KIRREL3: variants seen among roughly 807,000 people sequenced by gnomAD.
KIRREL3 encodes kirre like nephrin family adhesion molecule 3, also known as kin of IRRE-like protein 3.
In KIRREL3, 36 loss-of-function variants were observed where a neutral mutation model predicts 89.7. That is an observed-to-expected ratio of 0.40 (90% confidence interval 0.31 to 0.53). KIRREL3 has a LOEUF of 0.53. KIRREL3 is among the 20% of genes least tolerant of loss of function. The pLI is 0.49. For synonymous variants in KIRREL3, 445 were observed against 441.4 expected (o/e 1.01, Z -0.10); for missense variants, 864 against 1,056.6 (o/e 0.82, Z 2.53).
chr11:126,851,430 G>A (rs1485250830), intron 1 of KIRREL3, among the ~76,000 whole-genome samples: 8 of 152,272 alleles, frequency 5.3e-5, no homozygotes, highest in African/African-American at 1.4e-4. Context: ...TATCACCTTG[G>A]TGCTATATGT....
chr11:126,567,628 G>C (rs897751375), intron 1 of KIRREL3, among the ~76,000 whole-genome samples: 1 of 152,230 alleles, frequency 6.6e-6, no homozygotes, highest in African/African-American at 2.4e-5. Context: ...CTCTGCTAAG[G>C]AGACCCCAGG....
At chr11:126,559,011 G>C (rs1243780259) in intron 2 of KIRREL3, among the ~76,000 whole-genome samples, 1 of 152,142 alleles carries the variant, frequency 6.6e-6, no homozygotes, top group African/African-American at 2.4e-5. Context: ...AAGATGTCCT[G>C]AGAGCATGGG....
At chr11:126,547,470 C>A (rs1296645946) in intron 2 of KIRREL3, among the ~76,000 whole-genome samples, 3 of 152,184 alleles carry the variant, frequency 2.0e-5, no homozygotes, top group Non-Finnish European at 4.4e-5. Context: ...ATCCCTCCTC[C>A]CCCGTGTGTT....
intron 1 of KIRREL3, among the ~76,000 whole-genome samples, chr11:126,662,912 T>TTTC (rs1945478358): frequency 6.8e-6 from 1 of 146,652 alleles, no homozygotes; most frequent in Admixed American, 6.8e-5. Flanking sequence ...CTTTCTTTTT[T>TTTC]TTTTTTTTTT....
chr11:126,747,808 C>T lies in KIRREL3; in HGVS notation c.56-184896G>A, dbSNP rs138641700. ...TGTGAGAACCCCTGTTCCCCTCCCT[C>T]TGCTTGGCAGAGCTGTCCTTTGTAG... On this transcript the variant is annotated intron_variant, in intron 1 of 16. Coordinates refer to ENST00000525144, the MANE Select transcript of KIRREL3 (RefSeq NM_032531.4). The surrounding 1 kb of genome is among the most constrained non-coding windows in gnomAD (Gnocchi z 4.7). Among the ~76,000 whole-genome samples, 263 of 152,266 alleles carry T rather than the reference C, an allele frequency of 1.7e-3. 2 individuals are homozygous for T. The highest frequency in any genetic ancestry group is 6.0e-3 in the African/African-American group (250 of 41,550).
Position 126,905,238 on chromosome 11 carries a change from G to A in KIRREL3, c.55+95217C>T, listed in dbSNP as rs1946531070. ...CCAATAAGTCACCTTCCATGGCAAG[G>A]GGAGGGTGGGTGATATTTTTTAGTG... is the stretch of plus-strand genomic sequence containing the variant. On this transcript the variant is annotated intron_variant, in intron 1 of 16. Transcript: ENST00000525144. The surrounding 1 kb of genome is among the most constrained non-coding windows in gnomAD (Gnocchi z 5.0). Among the ~76,000 whole-genome samples, 1 of 152,126 alleles carries A rather than the reference G, an allele frequency of 6.6e-6. No homozygotes were observed. The highest frequency in any genetic ancestry group is 6.5e-5 in the Admixed American group (1 of 15,276).
At chr11:126,497,195 TGTGTGTGAGTGTGAGTGTGTGAGA>T (rs1957686583) in intron 4 of KIRREL3, among the ~76,000 whole-genome samples, 2 of 52,968 alleles carry the variant, frequency 3.8e-5, no homozygotes, top group African/African-American at 6.7e-5. Flanking sequence ...AGAGTGTGAG[TGTGTGTGAGTGTGAGTGTGTGAGA>T]GTGAGTGTGT....
At position 126,769,333 on chromosome 11, in the gene KIRREL3, G is replaced by A. The variant is rs1949947392; in HGVS notation, c.56-206421C>T. On this transcript the variant is annotated intron_variant, in intron 1 of 16. Coordinates refer to ENST00000525144, the MANE Select transcript of KIRREL3 (RefSeq NM_032531.4). The surrounding 1 kb of genome is among the most constrained non-coding windows in gnomAD (Gnocchi z 4.3). ...GGTAGTCAGGGTAGGCTCTGTGGAAGCAAATCTTGAAGGATGGATAGAATT... is the reference window on the plus strand; with the variant it reads ...GGTAGTCAGGGTAGGCTCTGTGGAAACAAATCTTGAAGGATGGATAGAATT... Among the ~76,000 whole-genome samples, 1 of 152,192 alleles carries A rather than the reference G, an allele frequency of 6.6e-6. No homozygotes were observed. Among genetic ancestry groups the A allele is most frequent in the Non-Finnish European group, 1.5e-5 (1 of 68,040 alleles).
intron 1 of KIRREL3, among the ~76,000 whole-genome samples, chr11:126,706,949 T>TG (rs1947552787): frequency 1.3e-5 from 2 of 151,966 alleles, no homozygotes; most frequent in Non-Finnish European, 2.9e-5. Context: ...GACTTTTTTT[T>TG]TTTTTTTAAG....
intron 1 of KIRREL3, among the ~76,000 whole-genome samples, chr11:126,799,362 CTGTG>C (rs1219417585): frequency 5.6e-4 from 6 of 10,780 alleles, no homozygotes; most frequent in African/African-American, 1.0e-3. Context: ...CTGTGTGTAT[CTGTG>C]TATCTGTGTG....
intron 1 of KIRREL3, among the ~76,000 whole-genome samples, chr11:126,770,445 G>A (rs1949984633): frequency 1.3e-5 from 2 of 152,192 alleles, no homozygotes; most frequent in Non-Finnish European, 2.9e-5. Flanking sequence ...AGGATGTATG[G>A]TGTGATTCAT....
At chr11:126,823,598 C>A (rs1555048469) in intron 1 of KIRREL3, among the ~76,000 whole-genome samples, 2 of 152,176 alleles carry the variant, frequency 1.3e-5, no homozygotes, top group Non-Finnish European at 2.9e-5. Flanking sequence ...TGGGTCCCTG[C>A]AGTGGGGGAC....
At chr11:126,507,096 A>G (rs1958045836) in intron 4 of KIRREL3, among the ~76,000 whole-genome samples, 1 of 152,200 alleles carries the variant, frequency 6.6e-6, no homozygotes, top group Non-Finnish European at 1.5e-5. Flanking sequence ...ACATTTTTCC[A>G]AGAGAAAGGG....
Position 126,890,515 on chromosome 11 carries a change from T to C in KIRREL3, c.55+109940A>G, listed in dbSNP as rs1022224898. The stretch of plus-strand genomic sequence containing the variant: ...TTTTCAACAGGATCTCATCAAGCAC[T>C]TTGCCATTTAATGGTGACCAAATCC... On this transcript the variant is annotated intron_variant, in intron 1 of 16. Transcript: ENST00000525144. This position sits in a 1 kb window ranked among gnomAD's most constrained non-coding sequence, Gnocchi z 5.1. Among the ~76,000 whole-genome samples, 4 of 152,238 alleles carry C rather than the reference T, an allele frequency of 2.6e-5. No individual in the cohort carries two copies. Among genetic ancestry groups the C allele is most frequent in the African/African-American group, 9.6e-5 (4 of 41,466 alleles).
At chr11:126,849,783 G>A (rs1296541822) in intron 1 of KIRREL3, among the ~76,000 whole-genome samples, 2 of 152,174 alleles carry the variant, frequency 1.3e-5, no homozygotes, top group African/African-American at 4.8e-5. Flanking sequence ...AGTCACAGGT[G>A]CGGCTTTTCC....
chr11:126,878,105 C>T (rs144085389), intron 1 of KIRREL3, among the ~76,000 whole-genome samples: 162 of 152,214 alleles, frequency 1.1e-3, no homozygotes, highest in African/African-American at 3.2e-3. Flanking sequence ...CAGGTAGGTA[C>T]GTTGATGGAA....
At chr11:126,481,934 G>A (rs1957228492) in intron 4 of KIRREL3, among the ~76,000 whole-genome samples, 1 of 152,176 alleles carries the variant, frequency 6.6e-6, no homozygotes, top group Non-Finnish European at 1.5e-5. Context: ...TGACTCTTCG[G>A]CCTTGCTTTT....
In KIRREL3 at chr11:126,607,109, T is replaced by G. The variant is rs1656521225; in HGVS notation, c.56-44197A>C. On this transcript the variant is annotated intron_variant, in intron 1 of 16. Transcript: ENST00000525144. This position sits in a 1 kb window ranked among gnomAD's most constrained non-coding sequence, Gnocchi z 6.6. ...CCAACCACAGGGCTTGTCGTGGGGC[T>G]TATGAGTAGCTAGGGCCTCCCAGGA... Among the ~76,000 whole-genome samples, 1 of 152,174 alleles carries G rather than the reference T, an allele frequency of 6.6e-6. No homozygotes were observed. The highest frequency in any genetic ancestry group is 2.4e-5 in the African/African-American group (1 of 41,452).
intron 1 of KIRREL3, among the ~76,000 whole-genome samples, chr11:126,779,337 C>T (rs912422490): frequency 6.6e-6 from 1 of 152,178 alleles, no homozygotes; most frequent in African/African-American, 2.4e-5. Flanking sequence ...TAAGATTCAG[C>T]CCTTCATTCC....
Sources: allele counts gnomAD v4.1 joint callset (sites outside exome capture counted in the v4.1 genomes callset), GRCh38; gene constraint gnomAD v4.1.1; non-coding constraint Gnocchi (gnomAD v3.1); transcripts MANE v1.5; gene names NCBI Gene and HGNC (gene_info 2026-07-23, HGNC 2026-07-21).